CIMAP1D: variants seen among roughly 807,000 people sequenced by gnomAD.
The protein encoded by CIMAP1D is CIMAP1 family member D.
At chr19:484,433 G>A in the CIMAP1D span, among the ~76,000 whole-genome samples, 4,537 of 152,228 alleles carry the variant, frequency 0.03, 158 homozygotes, top group African/African-American at 0.087. Context: ...GAGCCACCGC[G>A]CCTGGCCTCT....
chr19:487,240 T>C, the CIMAP1D span, among the ~76,000 whole-genome samples: 1 of 152,188 alleles, frequency 6.6e-6, no homozygotes, highest in Non-Finnish European at 1.5e-5. Context: ...TGGCTCATGT[T>C]GGCAGCCACG....
chr19:478,506 G>A, the CIMAP1D span, among the ~76,000 whole-genome samples: 2 of 152,258 alleles, frequency 1.3e-5, no homozygotes, highest in Admixed American at 6.5e-5. Flanking sequence ...TCGCCAGAAC[G>A]AGCTGGGGCC....
chr19:481,062 A>AG, the CIMAP1D span, among the ~76,000 whole-genome samples: 3 of 125,882 alleles, frequency 2.4e-5, no homozygotes, highest in East Asian at 2.6e-4. Flanking sequence ...AGGATGATGG[A>AG]AAGGATGATG....
chr19:479,113 A>G, the CIMAP1D span, among the ~76,000 whole-genome samples: 45 of 152,214 alleles, frequency 3.0e-4, no homozygotes, highest in Non-Finnish European at 6.0e-4. Flanking sequence ...ATGAGTAGAC[A>G]GCAAACTGTT....
At chr19:484,650 T>C in the CIMAP1D span, among the ~76,000 whole-genome samples, 4 of 151,960 alleles carry the variant, frequency 2.6e-5, no homozygotes, top group African/African-American at 7.2e-5. Flanking sequence ...ACGGGGTGTC[T>C]GGGGAGGGCA....
the CIMAP1D span, among the ~76,000 whole-genome samples, chr19:473,497 A>G: frequency 4.3e-4 from 17 of 39,864 alleles, no homozygotes; most frequent in East Asian, 7.6e-4. Flanking sequence ...CAGATGGGGA[A>G]ACTGAGGGCC....
chr19:481,771 T>G, the CIMAP1D span, among the ~76,000 whole-genome samples: 2 of 2,676 alleles, frequency 7.5e-4, no homozygotes, highest in Non-Finnish European at 3.1e-3. Flanking sequence ...AACCTCCTAC[T>G]TTTTTTTTTT....
At chr19:478,945 C>T in the CIMAP1D span, among the ~76,000 whole-genome samples, 1 of 152,264 alleles carries the variant, frequency 6.6e-6, no homozygotes, top group Non-Finnish European at 1.5e-5. Flanking sequence ...ACACAAGTTC[C>T]TCGTCCTCCC....
the CIMAP1D span, among the ~76,000 whole-genome samples, chr19:481,439 G>A: frequency 4.6e-5 from 4 of 87,546 alleles, no homozygotes; most frequent in Admixed American, 1.1e-4. Flanking sequence ...GGATGATGGG[G>A]AAGGATGATG....
the CIMAP1D span, among the ~76,000 whole-genome samples, chr19:475,555 G>A: frequency 4.6e-4 from 70 of 152,246 alleles, no homozygotes; most frequent in South Asian, 5.2e-3. Flanking sequence ...GGAGGCAGCC[G>A]TGCAGAGGCC....
the CIMAP1D span, among the ~76,000 whole-genome samples, chr19:477,626 A>G: frequency 3.3e-5 from 5 of 152,008 alleles, no homozygotes; most frequent in African/African-American, 9.7e-5. Context: ...CCTCCTCCCC[A>G]TCCCAAAAAA....
chr19:477,870 G>A, the CIMAP1D span, among the ~76,000 whole-genome samples: 2 of 152,090 alleles, frequency 1.3e-5, no homozygotes, highest in African/African-American at 2.4e-5. Flanking sequence ...CTGTCCTCTC[G>A]TCCTGCTCCT....
the CIMAP1D span, among the ~76,000 whole-genome samples, chr19:468,216 C>G: frequency 1.3e-5 from 2 of 152,066 alleles, no homozygotes; most frequent in Admixed American, 6.6e-5. Context: ...AAATTTAAAA[C>G]TTAGCCAGAC....
the CIMAP1D span, chr19:472,547 G>T: frequency 7.4e-7 from 1 of 1,358,864 alleles, no homozygotes. Flanking sequence ...CAGATTCCCC[G>T]AAGAAGGAGC....
chr19:473,396 C>T, the CIMAP1D span, among the ~76,000 whole-genome samples: 6 of 98,922 alleles, frequency 6.1e-5, no homozygotes, highest in African/African-American at 2.2e-4. Context: ...CAGAGATACA[C>T]GGTCACAGGT....
At chr19:491,058 T>C in the CIMAP1D span, among the ~76,000 whole-genome samples, 228 of 151,288 alleles carry the variant, frequency 1.5e-3, no homozygotes, top group Middle Eastern at 0.034. Flanking sequence ...ATCGTGCCAC[T>C]GCACTCCAGC....
chr19:470,447 G>A, the CIMAP1D span, among the ~76,000 whole-genome samples: 3 of 151,926 alleles, frequency 2.0e-5, no homozygotes, highest in Non-Finnish European at 2.9e-5. Context: ...TCCTGACCTC[G>A]TGGTCCACCC....
the CIMAP1D span, chr19:467,497 G>A: frequency 3.4e-4 from 228 of 664,516 alleles, 2 homozygotes; most frequent in East Asian, 5.6e-3. Context: ...CTGCAGTGGC[G>A]GCCCCTCCTC....
the CIMAP1D span, among the ~76,000 whole-genome samples, chr19:466,617 G>A: frequency 1.4e-5 from 2 of 143,084 alleles, no homozygotes; most frequent in African/African-American, 2.7e-5. Context: ...ATGTTTGGGT[G>A]GATGGTAGAA....
Sources: allele counts gnomAD v4.1 joint callset (sites outside exome capture counted in the v4.1 genomes callset), GRCh38; gene constraint gnomAD v4.1.1; transcripts MANE v1.5; gene names NCBI Gene and HGNC (gene_info 2026-07-23, HGNC 2026-07-21).